Variants in CEP72 observed in about 807,000 individuals in gnomAD.
The protein encoded by CEP72 is centrosomal protein of 72 kDa.
In CEP72, 78 loss-of-function variants were observed where a neutral mutation model predicts 65.7. That is an observed-to-expected ratio of 1.19 (90% CI 0.99 to 1.43). The LOEUF (loss-of-function observed/expected upper bound fraction) is 1.43, where lower values mean the gene tolerates loss of function less well. Among genes scored for constraint, CEP72 ranks in the 40% most tolerant of loss-of-function variants. The probability of loss-of-function intolerance (pLI) is 0.00; values close to 1 mark genes in which losing one functional copy is unlikely to be tolerated. For missense variants in CEP72, 914 were observed against 832.9 expected, an observed-to-expected ratio of 1.10 and a Z score of -1.20; for synonymous variants, 358 against 351.7, an observed-to-expected ratio of 1.02 and a Z score of -0.20.
At chr5:637,410 A>T (rs1204379887) in intron 6 of CEP72, 107 bp from the exon 7 acceptor site, 2 of 916,708 alleles carry the variant, frequency 2.2e-6, no homozygotes, top group East Asian at 4.8e-5. Flanking sequence ...GTGTGTGTCC[A>T]TGTGTGTATA....
Position 620,157 on chromosome 5 carries a change from T to C in CEP72, c.299T>C (p.Leu100Ser). 2 of 1,614,212 alleles carry C rather than the reference T, an allele frequency of 1.2e-6. No homozygotes were observed. The highest frequency in any genetic ancestry group is 2.2e-5 in the South Asian group (2 of 91,084). Residue 100 changes from leucine to serine, a missense_variant, in exon 3 of 12, where the codon TTA becomes TCA. Leu to Ser is a moderately radical substitution (Grantham distance 145, BLOSUM62 -2). Coordinates refer to ENST00000264935, the MANE Select transcript of CEP72 (RefSeq NM_018140.4). Reference protein sequence around the residue: ...SLAEVFRLHALTELVDVDFRL... With the variant: ...SLAEVFRLHASTELVDVDFRL... ...GCAGAAGTGTTTCGGCTCCACGCCT[T>C]AACCGAGCTCGTGGATGTGGACTTC...
Position 616,833 on chromosome 5 carries a change from C to T in CEP72, c.83-2157C>T, listed in dbSNP as rs78681141. ...GTGTGTGTATGTGTGTGTGTGTGTGCGCGCGAGTGGGGGTTTGCTTGCAGG... is the reference window on the plus strand; with the variant it reads ...GTGTGTGTATGTGTGTGTGTGTGTGTGCGCGAGTGGGGGTTTGCTTGCAGG... On this transcript the variant is annotated intron_variant, in intron 1 of 11. Transcript: ENST00000264935. Among the ~76,000 whole-genome samples, 725 of 145,956 alleles carry T rather than the reference C, an allele frequency of 5.0e-3. 5 individuals carry two copies. The highest frequency in any genetic ancestry group is 0.018 in the African/African-American group (690 of 39,246).
intron 1 of CEP72, among the ~76,000 whole-genome samples, chr5:618,425 T>C (rs998673140): frequency 6.8e-6 from 1 of 147,616 alleles, no homozygotes; most frequent in Non-Finnish European, 1.5e-5. Context: ...ACACATGTGT[T>C]AAAGTTTGTC....
intron 8 of CEP72, among the ~76,000 whole-genome samples, chr5:640,158 G>C (rs1379256677): frequency 1.1e-4 from 16 of 152,196 alleles, no homozygotes; most frequent in Admixed American, 1.0e-3. Context: ...CTGAAACCTT[G>C]AGACGTGGCG....
At chr5:633,290 G>T (rs1737336640) in intron 4 of CEP72, among the ~76,000 whole-genome samples, 1 of 113,284 alleles carries the variant, frequency 8.8e-6, no homozygotes, top group Non-Finnish European at 1.9e-5. Flanking sequence ...GACCAGTCCT[G>T]GTGGGGTTCT....
At chr5:622,602 G>A (rs1451121874) in intron 3 of CEP72, among the ~76,000 whole-genome samples, 1 of 152,276 alleles carries the variant, frequency 6.6e-6, no homozygotes, top group South Asian at 2.1e-4. Context: ...AGCCTGAGCA[G>A]TGTGGATAGA....
At chr5:665,463 C>T (rs1215680240) in intron 3 of CEP72, 16 of 677,692 alleles carry the variant, frequency 2.4e-5, no homozygotes, top group South Asian at 2.1e-4. Context: ...CTCTCCTGAC[C>T]CTGGGGCAGC....
chr5:637,723 G>A lies in CEP72; in HGVS notation c.1111G>A (p.Asp371Asn). 1 of 1,613,582 alleles carries A rather than the reference G, an allele frequency of 6.2e-7. No individual in the cohort carries two copies. ...GCCCAAGGAGAGCCTGAGCAGACAG[G>A]ACAGCTCAGAAAGCAGGAACGGGAG... ...SVPKESLSRQDSSESRNGRTL... is the reference protein window; with the variant it reads ...SVPKESLSRQNSSESRNGRTL... The change falls in exon 7 of 12, where the codon GAC becomes AAC. Residue 371 changes from aspartate to asparagine, a missense_variant. Coordinates refer to ENST00000264935, the MANE Select transcript of CEP72 (RefSeq NM_018140.4).
At chr5:615,886 C>T (rs1735959217) in intron 1 of CEP72, among the ~76,000 whole-genome samples, 1 of 152,178 alleles carries the variant, frequency 6.6e-6, no homozygotes, top group Non-Finnish European at 1.5e-5. Context: ...TGTAATTCAA[C>T]ACAGTTTACT....
At chr5:636,987 G>C (rs1284256948) in intron 6 of CEP72, among the ~76,000 whole-genome samples, 1 of 152,136 alleles carries the variant, frequency 6.6e-6, no homozygotes, top group African/African-American at 2.4e-5. Context: ...GGCCAAGGCT[G>C]TGCCCGTTTT....
intron 2 of CEP72, chr5:665,072 C>A: frequency 1.3e-6 from 2 of 1,596,688 alleles, no homozygotes; most frequent in Non-Finnish European, 1.7e-6. Flanking sequence ...TCTGGGGACA[C>A]CGGCAGTGCC....
At position 624,391 on chromosome 5, in the gene CEP72, G is replaced by GC; in HGVS notation, c.404-76dup. ...CTGGCCCCGAGGGGATGGACACCCT[G>GC]CCCCGTGTAGATGCCCCAGGGTGGA... On this transcript the variant is annotated intron_variant, in intron 3 of 11. Transcript: ENST00000264935. The surrounding 1 kb of genome is among the most constrained non-coding windows in gnomAD (Gnocchi z 4.7). The GC allele has an allele frequency of 1.0e-6, 1 of 956,906 alleles. No homozygotes were observed. The highest frequency in any genetic ancestry group is 2.5e-5 in the East Asian group (1 of 40,806). 59.3% of individuals were successfully genotyped at this position (956,906 alleles called of 1,614,324 possible). A position where few individuals can be genotyped will look rare whatever the true frequency, so the allele number is the denominator to read the frequency against.
chr5:642,390 C>T (rs1344839445), intron 9 of CEP72: 1 of 985,352 alleles, frequency 1.0e-6, no homozygotes. Flanking sequence ...CGTGTGGCCC[C>T]CCGTCTGGAA....
chr5:674,847 G>A, the CEP72 span, among the ~76,000 whole-genome samples: 3 of 151,698 alleles, frequency 2.0e-5, no homozygotes, highest in African/African-American at 7.3e-5. Context: ...GATGATGTGG[G>A]AGCTCCAGCG....
At position 620,198 on chromosome 5, in the gene CEP72, G is replaced by T; in HGVS notation, c.340G>T (p.Val114Leu). 1 of 1,614,198 alleles carries T rather than the reference G, an allele frequency of 6.2e-7. No homozygotes were observed. The highest frequency in any genetic ancestry group is 8.5e-7 in the Non-Finnish European group (1 of 1,180,040). The part of the protein sequence containing the change: ...VDVDFRLNPV[V>L]KVEPDYRLFV... ...TGTGGACTTCCGGCTGAACCCCGTG[G>T]TGAAGGTTGAGCCTGACTACCGCCT... The change falls in exon 3 of 12, where the codon GTG (valine) becomes TTG (leucine). Residue 114 changes from valine (V) to leucine (L), a missense_variant. Coordinates refer to ENST00000264935, the MANE Select transcript of CEP72 (RefSeq NM_018140.4).
At chr5:669,377 G>A (rs958903257), downstream of CEP72, among the ~76,000 whole-genome samples, 36 of 152,268 alleles carry the variant, frequency 2.4e-4, no homozygotes, top group African/African-American at 7.2e-4. Flanking sequence ...GTGGACACCC[G>A]CACGTTCCCT....
chr5:633,991 T>A, intron 5 of CEP72, 44 bp downstream of exon 5: 1 of 1,582,630 alleles, frequency 6.3e-7, no homozygotes. Context: ...CCGCTGGCTC[T>A]GGGATATATA....
chr5:620,299 C>T lies in CEP72; in HGVS notation c.403+38C>T, dbSNP rs1331213191. ...CAGGGCCACGCTCATGCTTTTGTCCCCGTGGGGTATGGGAGTCGGGGAGTC... is the reference window on the plus strand; with the variant it reads ...CAGGGCCACGCTCATGCTTTTGTCCTCGTGGGGTATGGGAGTCGGGGAGTC... On this transcript the variant is annotated intron_variant, in intron 3 of 11. Transcript: ENST00000264935. The T allele has an allele frequency of 3.2e-6, 5 of 1,583,892 alleles. No individual in the cohort carries two copies. In the South Asian group the frequency reaches 5.5e-5, roughly 18 times the overall value.
chr5:665,664 G>A (rs912908758), intron 3 of CEP72, among the ~76,000 whole-genome samples: 5 of 42,454 alleles, frequency 1.2e-4, no homozygotes, highest in Non-Finnish European at 1.9e-4. Context: ...CCCAGGCCAC[G>A]CCGACCTGGC....
Sources: gnomAD v4.1 joint callset for allele counts (sites outside exome capture counted in the v4.1 genomes callset) on GRCh38, gnomAD v4.1.1 for gene constraint, Gnocchi (gnomAD v3.1) non-coding constraint, MANE v1.5 for transcripts, NCBI Gene and HGNC (gene_info 2026-07-23, HGNC 2026-07-21) for gene names.